SPTA1: variants seen among roughly 807,000 people sequenced by gnomAD.
SPTA1 encodes spectrin alpha chain, erythrocytic 1.
SPTA1 carries 177 observed loss-of-function variants against 324.7 expected under a neutral mutation model. That is an observed-to-expected ratio of 0.55 (90% CI 0.48 to 0.62). The LOEUF (loss-of-function observed/expected upper bound fraction) is 0.62. Ranked by LOEUF, SPTA1 falls within the 20% of genes least tolerant of loss-of-function variation. The pLI, the probability that SPTA1 is intolerant of heterozygous loss-of-function variation, is 0.00. For missense variants in SPTA1, 3,162 were observed against 2,883.6 expected, an observed-to-expected ratio of 1.10 and a Z score of -2.21; for synonymous variants, 1,195 against 1,041.3, an observed-to-expected ratio of 1.15 and a Z score of -2.84.
At position 158,657,546 on chromosome 1, in the gene SPTA1, T is replaced by C. The variant is rs1171284413; in HGVS notation, c.2736A>G (p.Glu912=). 1 of 1,614,134 alleles carries C rather than the reference T, an allele frequency of 6.2e-7. No homozygotes were observed. The highest frequency in any genetic ancestry group is 1.1e-5 in the South Asian group (1 of 91,080). Residue 912 remains glutamate (E), a synonymous_variant, in exon 19 of 52, where the codon GAA becomes GAG. Transcript: ENST00000643759. The stretch of plus-strand genomic sequence containing the variant: ...TAGGTTCCTTCTCTCTGATCCATGT[T>C]TCTGCTTCATGCAGGTCAGCCAGGT... ...QQYLADLHEA[E]TWIREKEPIV... is the part of the protein sequence containing the mutation.
intron 20 of SPTA1, among the ~76,000 whole-genome samples, chr1:158,655,156 C>T (rs1652741404): frequency 6.6e-6 from 1 of 152,152 alleles, no homozygotes; most frequent in African/African-American, 2.4e-5. Flanking sequence ...TTTCCCTGTA[C>T]CTCCAGTGAT....
chr1:158,678,377 A>T, intron 6 of SPTA1, 24 bp downstream of exon 6: 1 of 1,613,390 alleles, frequency 6.2e-7, no homozygotes, highest in Non-Finnish European at 8.5e-7. Context: ...AAAGTTTTCT[A>T]TAAAGCAGTG....
intron 48 of SPTA1, 102 bp downstream of exon 48, chr1:158,615,114 G>C (rs897330345): frequency 3.0e-6 from 4 of 1,332,362 alleles, no homozygotes; most frequent in Admixed American, 1.7e-5. Flanking sequence ...GTTCTCTGAA[G>C]CAACTCTTTT....
chr1:158,612,488 T>TTAA, intron 51 of SPTA1: 2 of 355,196 alleles, frequency 5.6e-6, no homozygotes, highest in South Asian at 4.8e-5. Context: ...GACTGTGTCT[T>TTAA]ACTAAAGTTT....
At chr1:158,650,242 G>A (rs1415817146) in intron 24 of SPTA1, among the ~76,000 whole-genome samples, 1 of 152,184 alleles carries the variant, frequency 6.6e-6, no homozygotes, top group African/African-American at 2.4e-5. Context: ...AAATGAATGG[G>A]AAGTGTTGCC....
rs1649758479 is a variant in SPTA1, at chr1:158,619,247, A to G, written c.6505T>C (p.Phe2169Leu). 1 of 1,613,970 alleles carries G rather than the reference A, an allele frequency of 6.2e-7. No homozygotes were observed. The highest frequency in any genetic ancestry group is 8.5e-7 in the Non-Finnish European group (1 of 1,179,984). ...CTGGTTTCCAGGATCCATTGAAGGA[A>G]GGTACTGGCATTCTGTTCAAACTCC... ...CQEFEQNAST[F>L]LQWILETRAY... The change falls in exon 45 of 52, where the codon TTC becomes CTC. Residue 2169 changes from phenylalanine to leucine, a missense_variant. Physicochemically the swap from Phe to Leu is conservative, Grantham distance 22. Transcript: ENST00000643759.
At chr1:158,619,355 C>T (rs762119067) in intron 44 of SPTA1, 21 bp from the exon 45 acceptor site, 3 of 1,611,978 alleles carry the variant, frequency 1.9e-6, no homozygotes, top group African/African-American at 2.7e-5. Context: ...AAATCACAGA[C>T]AACGTGACTG....
In SPTA1 at chr1:158,643,316, C is replaced by T; in HGVS notation, c.4442+6G>A. 1 of 1,613,788 alleles carries T rather than the reference C, an allele frequency of 6.2e-7. No homozygotes were observed. The highest frequency in any genetic ancestry group is 2.2e-5 in the East Asian group (1 of 44,858). On this transcript the variant is annotated splice_donor_region_variant and intron_variant, in intron 31 of 51. Coordinates refer to ENST00000643759, the MANE Select transcript of SPTA1 (RefSeq NM_003126.4). Reference sequence around the variant, plus strand: ...TTGGCACATAAAACAATCACTCAGGCCTGACCTGTCTAGTACACGTTGGAG... The same window carrying T: ...TTGGCACATAAAACAATCACTCAGGTCTGACCTGTCTAGTACACGTTGGAG...
chr1:158,679,828 A>G (rs933329651), intron 5 of SPTA1, among the ~76,000 whole-genome samples: 2 of 152,158 alleles, frequency 1.3e-5, no homozygotes, highest in Non-Finnish European at 2.9e-5. Context: ...GGAGGTAGAA[A>G]ATTTAGAAAC....
chr1:158,680,320 T>C (rs562182785), intron 5 of SPTA1, among the ~76,000 whole-genome samples: 2 of 152,240 alleles, frequency 1.3e-5, no homozygotes, highest in South Asian at 4.2e-4. Flanking sequence ...TGGCAATAGC[T>C]TCACTGCCCA....
Position 158,647,696 on chromosome 1 carries a change from C to A in SPTA1, c.3739G>T (p.Glu1247Ter). The change falls in exon 27 of 52, where the codon GAG becomes TAG. Residue 1247 changes from glutamate (E) to a stop codon, truncating the protein, a stop_gained. Transcript: ENST00000643759. LOFTEE classifies it high-confidence loss of function. ...DKVTILGETA[E>*]RLSESHPDAT... ...TCTGGATGGGACTCACTGAGCCGCT[C>A]TGCTGTCTCCCCCAGTATGGTCACC... 6.2e-7 allele frequency: 1 copy of A among 1,613,934 alleles called. No individual in the cohort carries two copies. The highest frequency in any genetic ancestry group is 8.5e-7 in the Non-Finnish European group (1 of 1,179,914).
At chr1:158,674,034 T>A (rs1205112696) in intron 10 of SPTA1, among the ~76,000 whole-genome samples, 1 of 152,178 alleles carries the variant, frequency 6.6e-6, no homozygotes, top group Non-Finnish European at 1.5e-5. Context: ...TTATAAGTAA[T>A]CTGAAGATAA....
intron 6 of SPTA1, 61 bp from the exon 7 acceptor site, chr1:158,677,895 C>T: frequency 3.1e-6 from 5 of 1,606,678 alleles, no homozygotes; most frequent in Non-Finnish European, 4.3e-6. Flanking sequence ...GGCAAACGGT[C>T]CAACAGAACT....
chr1:158,648,694 G>A, intron 25 of SPTA1, 41 bp from the exon 26 acceptor site: 1 of 1,609,804 alleles, frequency 6.2e-7, no homozygotes, highest in African/African-American at 1.3e-5. Flanking sequence ...GTAAGGATAT[G>A]TACCAGAGGC....
intron 7 of SPTA1, 85 bp downstream of exon 7, chr1:158,677,605 C>T: frequency 6.5e-7 from 1 of 1,535,562 alleles, no homozygotes; most frequent in Non-Finnish European, 8.9e-7. Context: ...TTATTGTGCT[C>T]TCTGGAGGCA....
intron 33 of SPTA1, among the ~76,000 whole-genome samples, 154 bp from the exon 34 acceptor site, chr1:158,640,161 C>A (rs190563075): frequency 2.0e-5 from 3 of 152,204 alleles, no homozygotes; most frequent in Admixed American, 6.5e-5. Flanking sequence ...TATACTTAAT[C>A]TGGGAAAACA....
At chr1:158,669,899 T>G (rs1653889617) in intron 12 of SPTA1, 113 bp from the exon 13 acceptor site, 1 of 1,007,056 alleles carries the variant, frequency 9.9e-7, no homozygotes, top group Non-Finnish European at 1.6e-6. Context: ...AGGAGAAGTT[T>G]GAAGGCCAGC....
chr1:158,670,625 A>G (rs1653950753), intron 12 of SPTA1, among the ~76,000 whole-genome samples: 1 of 152,200 alleles, frequency 6.6e-6, no homozygotes, highest in Admixed American at 6.5e-5. Flanking sequence ...AGGAACAGCC[A>G]GAGACATACA....
At chr1:158,630,848 A>G (rs1650626213) in intron 39 of SPTA1, among the ~76,000 whole-genome samples, 1 of 152,102 alleles carries the variant, frequency 6.6e-6, no homozygotes, top group Admixed American at 6.6e-5. Flanking sequence ...ACTTGATTTA[A>G]AAATGGGCTA....
Sources: allele counts gnomAD v4.1 joint callset (sites outside exome capture counted in the v4.1 genomes callset), GRCh38; gene constraint gnomAD v4.1.1; transcripts MANE v1.5; gene names NCBI Gene and HGNC (gene_info 2026-07-23, HGNC 2026-07-21).